GRID2: variants seen among roughly 807,000 people sequenced by gnomAD.
GRID2 encodes glutamate ionotropic receptor delta type subunit 2.
GRID2 carries 33 observed loss-of-function variants against 114.8 expected under a neutral mutation model. The observed-to-expected ratio is 0.29, with a 90% CI of 0.22 to 0.38. The LOEUF is 0.38. Among genes scored for constraint, GRID2 ranks in the 10% least tolerant of loss-of-function variants. GRID2 has a pLI of 1.00. For missense variants in GRID2, 1,184 were observed against 1,257.7 expected, an observed-to-expected ratio of 0.94 and a Z score of 0.89; for synonymous variants, 505 against 449.9, an observed-to-expected ratio of 1.12 and a Z score of -1.55.
chr4:92,591,192 C>T (rs79158938), intron 2 of GRID2, among the ~76,000 whole-genome samples: 4,126 of 152,080 alleles, frequency 0.027, 191 homozygotes, highest in African/African-American at 0.094. Flanking sequence ...ATAAAACAGG[C>T]CCAAGGGAAC....
At position 92,490,408 on chromosome 4, in the gene GRID2, G is replaced by A. The variant is rs567651452; in HGVS notation, c.89-99723G>A. On this transcript the variant is annotated intron_variant, in intron 1 of 15. Coordinates refer to ENST00000282020, the MANE Select transcript of GRID2 (RefSeq NM_001510.4). ...TGTTCATTTTATGAGCCCTTATATA[G>A]CATCCTGCTCTGATCAGTTTAGTGT... Among the ~76,000 whole-genome samples, 4 of 152,180 alleles carry A rather than the reference G, an allele frequency of 2.6e-5. No individual in the cohort carries two copies. The East Asian group carries it at 7.7e-4, about 29-fold the overall frequency.
exon 2 of GRID2, chr4:93,807,387 T>C (rs970124559): frequency 6.6e-6 from 1 of 152,208 alleles, no homozygotes; most frequent in African/African-American, 2.4e-5. Flanking sequence ...TGGTTAAACA[T>C]CTTTGGAGGT....
chr4:93,207,499 T>C (rs1260459046), intron 5 of GRID2, 42 bp downstream of exon 5: 1 of 1,220,378 alleles, frequency 8.2e-7, no homozygotes, highest in East Asian at 2.4e-5. Context: ...GTGTCCTTTT[T>C]TCACATATAT....
chr4:92,955,841 C>T (rs1051827084), intron 2 of GRID2, among the ~76,000 whole-genome samples: 10 of 152,082 alleles, frequency 6.6e-5, no homozygotes, highest in Admixed American at 1.3e-4. Flanking sequence ...ATATGGCTAG[C>T]CAGTTTTCCC....
intron 1 of GRID2, among the ~76,000 whole-genome samples, chr4:92,397,338 T>TTG (rs1227002294): frequency 4.5e-4 from 56 of 124,184 alleles, no homozygotes; most frequent in African/African-American, 1.9e-3. Flanking sequence ...CTCTGTGTGT[T>TTG]TGTATGTGTG....
intron 2 of GRID2, among the ~76,000 whole-genome samples, chr4:93,038,829 AG>A (rs780331064): frequency 2.6e-5 from 4 of 151,752 alleles, no homozygotes; most frequent in Non-Finnish European, 5.9e-5. Context: ...CAGATACTGG[AG>A]AGGATGTGGA....
chr4:93,138,421 A>G (rs956930998), intron 4 of GRID2, among the ~76,000 whole-genome samples: 1 of 152,182 alleles, frequency 6.6e-6, no homozygotes, highest in Non-Finnish European at 1.5e-5. Flanking sequence ...TTATGTTTGT[A>G]CCACTAAAGC....
intron 8 of GRID2, among the ~76,000 whole-genome samples, chr4:93,358,134 T>C (rs1253368485): frequency 2.0e-5 from 3 of 151,994 alleles, no homozygotes; most frequent in East Asian, 3.9e-4. Context: ...GTATTTCTTC[T>C]TCTAATTTAG....
intron 14 of GRID2, among the ~76,000 whole-genome samples, chr4:93,765,875 G>T (rs1013188116): frequency 9.2e-5 from 14 of 151,764 alleles, no homozygotes; most frequent in Admixed American, 2.0e-4. Context: ...GTGCAGTCGT[G>T]GTTTAGAATA....
intron 3 of GRID2, among the ~76,000 whole-genome samples, chr4:93,089,198 TATAAGA>T (rs1560866876): frequency 6.6e-6 from 1 of 152,130 alleles, no homozygotes; most frequent in African/African-American, 2.4e-5. Context: ...ACATTATAGA[TATAAGA>T]ATAAGATTAA....
chr4:92,967,340 C>T (rs779688445), intron 2 of GRID2, among the ~76,000 whole-genome samples: 11 of 151,920 alleles, frequency 7.2e-5, no homozygotes, highest in Non-Finnish European at 1.2e-4. Context: ...TAAAAACACA[C>T]TCCGATGCTT....
chr4:92,976,072 G>C (rs1457329768), intron 2 of GRID2, among the ~76,000 whole-genome samples: 1 of 151,712 alleles, frequency 6.6e-6, no homozygotes, highest in African/African-American at 2.4e-5. Context: ...TATAAGCAGA[G>C]AATATCCAGT....
chr4:93,567,333 A>G (rs1413907641), intron 13 of GRID2, among the ~76,000 whole-genome samples: 1 of 152,216 alleles, frequency 6.6e-6, no homozygotes, highest in Non-Finnish European at 1.5e-5. Context: ...TAAACAATTT[A>G]AGTTGTAATT....
intron 2 of GRID2, among the ~76,000 whole-genome samples, chr4:93,052,575 T>C (rs993445947): frequency 1.3e-5 from 2 of 151,900 alleles, no homozygotes; most frequent in Non-Finnish European, 2.9e-5. Context: ...TCTAAACATA[T>C]CTATATGTAG....
intron 4 of GRID2, among the ~76,000 whole-genome samples, chr4:93,190,278 A>T (rs755184744): frequency 3.3e-5 from 5 of 152,158 alleles, no homozygotes; most frequent in Non-Finnish European, 7.4e-5. Context: ...ATAGATTTCT[A>T]TATTTTATTA....
chr4:92,665,727 T>C (rs1330102168), intron 2 of GRID2, among the ~76,000 whole-genome samples: 2 of 151,166 alleles, frequency 1.3e-5, no homozygotes, highest in Non-Finnish European at 3.0e-5. Flanking sequence ...TTTTTTCTAG[T>C]AGTTATTTAA....
At chr4:93,012,056 T>G (rs1722227669) in intron 2 of GRID2, among the ~76,000 whole-genome samples, 1 of 148,880 alleles carries the variant, frequency 6.7e-6, no homozygotes, top group Admixed American at 6.8e-5. Flanking sequence ...AACTCTGAAA[T>G]TTCCCCATAT....
At chr4:92,360,328 C>G (rs139411679) in intron 1 of GRID2, among the ~76,000 whole-genome samples, 1 of 151,934 alleles carries the variant, frequency 6.6e-6, no homozygotes, top group African/African-American at 2.4e-5. Context: ...ACCCCCACCA[C>G]TCCTTGTCCT....
At chr4:93,105,085 T>G (rs935772811) in intron 3 of GRID2, among the ~76,000 whole-genome samples, 1 of 152,190 alleles carries the variant, frequency 6.6e-6, no homozygotes, top group Non-Finnish European at 1.5e-5. Context: ...TTCATGTGTC[T>G]TTTGGCTGCA....
Sources: allele counts gnomAD v4.1 joint callset (sites outside exome capture counted in the v4.1 genomes callset), GRCh38; gene constraint gnomAD v4.1.1; transcripts MANE v1.5; gene names NCBI Gene and HGNC (gene_info 2026-07-23, HGNC 2026-07-21).